The following ZNF385C variants were observed in gnomAD, a reference collection of about 807,000 sequenced individuals.
ZNF385C encodes CTD-2132N18.2.
Under a neutral mutation model 35.4 loss-of-function variants are expected in ZNF385C, and 28 were observed. The observed-to-expected ratio is 0.79, with a 90% confidence interval of 0.59 to 1.08. The LOEUF (loss-of-function observed/expected upper bound fraction) is 1.08. Ranked by LOEUF, ZNF385C falls within the 50% of genes least tolerant of loss-of-function variation. The pLI, the probability that ZNF385C is intolerant of heterozygous loss-of-function variation, is 0.00. For missense variants in ZNF385C, 605 were observed against 595.6 expected (o/e 1.02, Z -0.16); for synonymous variants, 248 against 248.2 (o/e 1.00, Z 0.01).
Position 42,042,996 on chromosome 17 carries a change from G to A in ZNF385C, c.251-5111C>T, listed in dbSNP as rs557188495. 59 of 1,232,344 alleles carry A rather than the reference G, an allele frequency of 4.8e-5. No homozygotes were observed. The East Asian group carries it at 1.2e-3, about 25-fold the overall frequency. 76.3% of individuals were successfully genotyped at this position (1,232,344 alleles called of 1,614,324 possible). On this transcript the variant is annotated intron_variant, in intron 2 of 8. Coordinates refer to ENST00000692273, the MANE Select transcript of ZNF385C (RefSeq NM_001392013.1). ...ACACAGTAGTCAGCACAGCCACTTTGGCCGGGTCTAACTCCACCTTGACGC... is the reference window on the plus strand; with the variant it reads ...ACACAGTAGTCAGCACAGCCACTTTAGCCGGGTCTAACTCCACCTTGACGC...
chr17:42,030,362 CCTGTA>C, intron 5 of ZNF385C, among the ~76,000 whole-genome samples: 1 of 152,184 alleles, frequency 6.6e-6, no homozygotes, highest in Non-Finnish European at 1.5e-5. Context: ...GTGGCAGGTA[CCTGTA>C]GTCCCAGCTA....
At chr17:42,091,006 G>C (rs2053859820) in intron 1 of ZNF385C, among the ~76,000 whole-genome samples, 1 of 152,146 alleles carries the variant, frequency 6.6e-6, no homozygotes. Flanking sequence ...AAATGAATGA[G>C]TAAATCAGTG....
At chr17:42,047,760 T>C (rs912937490) in intron 2 of ZNF385C, among the ~76,000 whole-genome samples, 2 of 150,682 alleles carry the variant, frequency 1.3e-5, no homozygotes, top group African/African-American at 4.9e-5. Flanking sequence ...TTCAAGCGAT[T>C]CTCCTGCCTC....
intron 1 of ZNF385C, among the ~76,000 whole-genome samples, chr17:42,068,482 T>G (rs782679710): frequency 2.6e-5 from 4 of 152,220 alleles, no homozygotes; most frequent in Admixed American, 1.3e-4. Context: ...ATTGAGGGCT[T>G]ACTGTGGGCC....
intron 2 of ZNF385C, among the ~76,000 whole-genome samples, chr17:42,057,513 CGTGT>C (rs57813267): frequency 3.2e-4 from 47 of 146,942 alleles, no homozygotes; most frequent in African/African-American, 1.1e-3. Flanking sequence ...CGCGCGCGCG[CGTGT>C]GTGTGTGTGT....
intron 2 of ZNF385C, among the ~76,000 whole-genome samples, chr17:42,049,693 C>G (rs2053243939): frequency 6.6e-6 from 1 of 152,206 alleles, no homozygotes. Context: ...TTTGTCAGAT[C>G]CTTTCCATGT....
Position 42,062,865 on chromosome 17 carries a change from C to T in ZNF385C, c.192G>A (p.Gly64=), listed in dbSNP as rs1555658113. ...SAAQAQVHCG[G]RAHQRRLRQL... ...GCCGAAGCCGCCTCTGGTGGGCCCG[C>T]CCCCCACAGTGCACCTGGGCCTGGG... Residue 64 remains glycine (G), a synonymous_variant, in exon 2 of 9, where the codon GGG becomes GGA. Transcript: ENST00000692273. 4.6e-6 allele frequency: 3 copies of T among 653,716 alleles called. No individual in the cohort carries two copies. The highest frequency in any genetic ancestry group is 1.8e-5 in the African/African-American group (1 of 55,120). The allele number at this position is 653,716 out of a possible 1,614,324, so 40.5% of individuals were successfully genotyped here.
chr17:42,085,890 C>T (rs2053802034), intron 1 of ZNF385C, among the ~76,000 whole-genome samples: 1 of 151,990 alleles, frequency 6.6e-6, no homozygotes, highest in African/African-American at 2.4e-5. Context: ...AGCCACCACG[C>T]CCGGCCTCTG....
chr17:42,080,356 T>G (rs1006663299), intron 1 of ZNF385C, among the ~76,000 whole-genome samples: 28 of 152,258 alleles, frequency 1.8e-4, no homozygotes, highest in African/African-American at 5.8e-4. Context: ...CTGTGGAAAT[T>G]AAGATCTGTA....
chr17:42,055,884 G>T (rs1484840994), intron 2 of ZNF385C, among the ~76,000 whole-genome samples: 2 of 152,296 alleles, frequency 1.3e-5, no homozygotes, highest in Admixed American at 1.3e-4. Flanking sequence ...GAGGTCTGAG[G>T]ATGCAGAGTA....
intron 3 of ZNF385C, among the ~76,000 whole-genome samples, chr17:42,034,788 AAAAAAAAAAAG>A (rs1221456237): frequency 6.6e-6 from 1 of 150,894 alleles, no homozygotes; most frequent in South Asian, 2.1e-4. Flanking sequence ...TCGTCTCAAA[AAAAAAAAAAAG>A]AAAAGAAAAA....
At chr17:42,094,633 C>T (rs887132356) in intron 1 of ZNF385C, among the ~76,000 whole-genome samples, 8 of 152,098 alleles carry the variant, frequency 5.3e-5, no homozygotes, top group Admixed American at 4.6e-4. Context: ...ACACAGGAGG[C>T]GCAGGGCCAG....
chr17:42,090,854 C>G (rs962232868), intron 1 of ZNF385C, among the ~76,000 whole-genome samples: 31 of 152,032 alleles, frequency 2.0e-4, no homozygotes, highest in African/African-American at 7.5e-4. Context: ...TGCACTCCAG[C>G]CTGGGCGACA....
intron 2 of ZNF385C, 152 bp downstream of exon 2, chr17:42,062,655 G>C (rs1221304690): frequency 2.5e-6 from 1 of 404,562 alleles, no homozygotes; most frequent in Admixed American, 4.3e-5. Context: ...GCTGGCATCG[G>C]GGAGGCTTCA....
intron 1 of ZNF385C, among the ~76,000 whole-genome samples, chr17:42,079,118 C>A (rs1184494620): frequency 6.8e-6 from 1 of 146,868 alleles, no homozygotes; most frequent in Non-Finnish European, 1.5e-5. Flanking sequence ...ATGGAAGGAC[C>A]AGGTGGGTGG....
At chr17:42,051,227 C>G in intron 2 of ZNF385C, among the ~76,000 whole-genome samples, 1 of 151,786 alleles carries the variant, frequency 6.6e-6, no homozygotes, top group Non-Finnish European at 1.5e-5. Flanking sequence ...GAAGCCTCCT[C>G]CGGAGGAGTT....
chr17:42,042,756 G>T, intron 2 of ZNF385C: 1 of 1,086,768 alleles, frequency 9.2e-7, no homozygotes, highest in Non-Finnish European at 1.2e-6. Context: ...CAAGGAGCTG[G>T]CATGCTGGGG....
At position 42,095,519 on chromosome 17, in the gene ZNF385C, C is replaced by T. The variant is rs1310638281; in HGVS notation, c.-3+2891G>A. 2.0e-5 allele frequency among the ~76,000 whole-genome samples: 3 copies of T among 152,166 alleles called. No individual in the cohort carries two copies. The highest frequency in any genetic ancestry group is 6.5e-5 in the Admixed American group (1 of 15,282). On this transcript the variant is annotated intron_variant, in intron 1 of 8. Coordinates refer to ENST00000692273, the MANE Select transcript of ZNF385C (RefSeq NM_001392013.1). The surrounding 1 kb of genome is among the most constrained non-coding windows in gnomAD (Gnocchi z 4.4). ...CCTGCTGCTGCGGCCCCATTTAGCT[C>T]TCTCCTTGCTCCTGGGGTCCAGTGA...
chr17:42,043,350 C>T (rs527783426), intron 2 of ZNF385C: 29 of 1,232,222 alleles, frequency 2.4e-5, no homozygotes, highest in South Asian at 8.2e-5. Context: ...AGGCCTCTCC[C>T]GCTGGTTTCT....
Sources: gnomAD v4.1 joint callset for allele counts (sites outside exome capture counted in the v4.1 genomes callset) on GRCh38, gnomAD v4.1.1 for gene constraint, Gnocchi (gnomAD v3.1) non-coding constraint, MANE v1.5 for transcripts, NCBI Gene and HGNC (gene_info 2026-07-23, HGNC 2026-07-21) for gene names.